GABRG3: variants seen among roughly 807,000 people sequenced by gnomAD.
GABRG3 encodes gamma-aminobutyric acid type A receptor subunit gamma3, also known as gamma-aminobutyric acid receptor subunit gamma-3.
A neutral mutation model predicts 48.8 loss-of-function variants in GABRG3; 25 were observed. That is an observed-to-expected ratio of 0.51 (90% confidence interval 0.37 to 0.72). The LOEUF is 0.72. Ranked by LOEUF, GABRG3 falls within the 30% of genes least tolerant of loss-of-function variation. The pLI, the probability that GABRG3 is intolerant of heterozygous loss-of-function variation, is 0.00. For missense variants in GABRG3, 394 were observed against 577.9 expected (o/e 0.68, Z 3.26); for synonymous variants, 227 against 217.6 (o/e 1.04, Z -0.38).
intron 5 of GABRG3, among the ~76,000 whole-genome samples, chr15:27,382,019 T>C (rs1290477465): frequency 6.6e-6 from 1 of 152,222 alleles, no homozygotes; most frequent in African/African-American, 2.4e-5. Context: ...AAATGTTAAA[T>C]GTAGTTATTA....
intron 3 of GABRG3, among the ~76,000 whole-genome samples, chr15:27,238,645 A>G (rs932548826): frequency 2.0e-5 from 3 of 152,240 alleles, no homozygotes; most frequent in Non-Finnish European, 2.9e-5. Context: ...TGTGTGTGAC[A>G]TGTAATTGAC....
chr15:27,307,449 A>ATATAGGTTTATATATTTATATATAAACC (rs1892645274), intron 3 of GABRG3, among the ~76,000 whole-genome samples: 1 of 65,596 alleles, frequency 1.5e-5, no homozygotes, highest in Admixed American at 1.6e-4. Context: ...ATATATAAAC[A>ATATAGGTTTATATATTTATATATAAACC]TATAGGTTTA....
At chr15:27,296,731 C>G (rs1422752614) in intron 3 of GABRG3, among the ~76,000 whole-genome samples, 1 of 152,110 alleles carries the variant, frequency 6.6e-6, no homozygotes, top group Non-Finnish European at 1.5e-5. Flanking sequence ...AAAAGTATAG[C>G]TCGGGCAATT....
intron 5 of GABRG3, among the ~76,000 whole-genome samples, chr15:27,412,432 C>T (rs1887825820): frequency 6.6e-6 from 1 of 152,124 alleles, no homozygotes; most frequent in South Asian, 2.1e-4. Context: ...TGGTATAATA[C>T]CAGATGTAAC....
rs146922349 is a variant in GABRG3 at position 27,023,959 on chromosome 15, A to G, written c.203-2795A>G. Among the ~76,000 whole-genome samples the G allele has an allele frequency of 5.9e-3, 897 of 152,214 alleles. 8 individuals are homozygous for G. Among genetic ancestry groups the G allele is most frequent in the Middle Eastern group, 0.024 (7 of 294 alleles). On this transcript the variant is annotated intron_variant, in intron 2 of 9. Transcript: ENST00000615808. ...ACAATTTCTTCATATCCAGGCTGGC[A>G]CTTGTTATTTTCTGTTGCTGTTATT...
chr15:27,432,410 C>A (rs1208819860), intron 5 of GABRG3, among the ~76,000 whole-genome samples: 1 of 152,102 alleles, frequency 6.6e-6, no homozygotes, highest in Non-Finnish European at 1.5e-5. Flanking sequence ...TTTACACTGT[C>A]TTTTACATTT....
intron 3 of GABRG3, among the ~76,000 whole-genome samples, chr15:27,093,463 C>T (rs1197002465): frequency 6.6e-6 from 1 of 152,130 alleles, no homozygotes; most frequent in Non-Finnish European, 1.5e-5. Context: ...TTATGAGCTG[C>T]TAAGCCCTGC....
chr15:27,058,905 G>A (rs962071833), intron 3 of GABRG3, among the ~76,000 whole-genome samples: 6 of 152,100 alleles, frequency 3.9e-5, no homozygotes, highest in Non-Finnish European at 5.9e-5. Context: ...AAATGCAACC[G>A]TCATCACCAA....
intron 3 of GABRG3, among the ~76,000 whole-genome samples, chr15:27,142,733 C>G (rs1898127477): frequency 6.6e-6 from 1 of 151,924 alleles, no homozygotes. Context: ...CACTTTATCC[C>G]TTCATGTTGA....
At chr15:27,470,221 T>G (rs1889743624) in intron 5 of GABRG3, among the ~76,000 whole-genome samples, 1 of 151,974 alleles carries the variant, frequency 6.6e-6, no homozygotes, top group African/African-American at 2.4e-5. Flanking sequence ...TTTTTTCTTT[T>G]TCTTTTTTCT....
At position 27,536,653 on chromosome 15, in the gene GABRG3, A is replaced by G. The variant is rs1176048068; in HGVS notation, c.*3772A>G. The G allele has an allele frequency of 6.6e-6, 1 of 151,286 alleles. No homozygotes were observed. Among genetic ancestry groups the G allele is most frequent in the Admixed American group, 6.6e-5 (1 of 15,248 alleles). The allele number at this position is 151,286 out of a possible 1,614,324, so 9.4% of individuals were successfully genotyped here. ...GGGGCCAATCTAAAATGTCAGCAAC[A>G]CAGTCCTGATGGGGATGAGTGTCTC... On this transcript the variant is annotated 3_prime_UTR_variant, in exon 10 of 10. Transcript: ENST00000615808.
At chr15:27,479,509 G>A (rs1434258652) in intron 5 of GABRG3, among the ~76,000 whole-genome samples, 3 of 152,090 alleles carry the variant, frequency 2.0e-5, no homozygotes, top group African/African-American at 7.2e-5. Context: ...GGCAGAGAGG[G>A]AAAAAAATGA....
At chr15:27,134,338 A>G (rs1226113032) in intron 3 of GABRG3, among the ~76,000 whole-genome samples, 1 of 152,210 alleles carries the variant, frequency 6.6e-6, no homozygotes, top group African/African-American at 2.4e-5. Context: ...CTTCAGTTCC[A>G]GCCACTCCTT....
intron 5 of GABRG3, among the ~76,000 whole-genome samples, chr15:27,376,949 GCT>G (rs1421110529): frequency 1.3e-5 from 2 of 152,060 alleles, no homozygotes; most frequent in African/African-American, 4.8e-5. Context: ...AAACTTTTAT[GCT>G]CTGTTTCCCT....
chr15:27,406,117 C>T (rs1326050456), intron 5 of GABRG3, among the ~76,000 whole-genome samples: 1 of 152,066 alleles, frequency 6.6e-6, no homozygotes, highest in Non-Finnish European at 1.5e-5. Context: ...TGTGTTGAGA[C>T]TCCATCTCAA....
intron 3 of GABRG3, among the ~76,000 whole-genome samples, chr15:27,211,392 A>G (rs2889480): frequency 7.2e-6 from 1 of 138,232 alleles, no homozygotes; most frequent in Non-Finnish European, 1.7e-5. Flanking sequence ...TAGGAAACAA[A>G]TAATCCGTGA....
At chr15:27,295,614 A>G (rs1891956171) in intron 3 of GABRG3, among the ~76,000 whole-genome samples, 1 of 152,186 alleles carries the variant, frequency 6.6e-6, no homozygotes, top group South Asian at 2.1e-4. Context: ...GAGCATCTTC[A>G]GACTTTGAAA....
chr15:27,358,974 C>T (rs1272767462), intron 5 of GABRG3, among the ~76,000 whole-genome samples: 1 of 152,214 alleles, frequency 6.6e-6, no homozygotes, highest in Non-Finnish European at 1.5e-5. Context: ...CTGGGGAGGA[C>T]CCGGCGGGGC....
intron 5 of GABRG3, among the ~76,000 whole-genome samples, chr15:27,444,241 AT>A (rs1048629181): frequency 6.6e-6 from 1 of 152,096 alleles, no homozygotes; most frequent in African/African-American, 2.4e-5. Flanking sequence ...CTATGTAGTG[AT>A]TTTTTTGTCT....
Sources: allele counts gnomAD v4.1 joint callset (sites outside exome capture counted in the v4.1 genomes callset), GRCh38; gene constraint gnomAD v4.1.1; transcripts MANE v1.5; gene names NCBI Gene and HGNC (gene_info 2026-07-23, HGNC 2026-07-21).